The following GAREM1 variants were observed in gnomAD, a reference collection of about 807,000 sequenced individuals.
GAREM1 encodes GRB2 associated regulator of MAPK1 subtype 1.
Under a neutral mutation model 71.3 loss-of-function variants are expected in GAREM1, and 26 were observed. The ratio of observed to expected loss-of-function variants is 0.36; its 90% CI spans 0.27 to 0.51. The LOEUF (loss-of-function observed/expected upper bound fraction) is 0.51. Ranked by LOEUF, GAREM1 falls within the 20% of genes least tolerant of loss-of-function variation. The pLI is 0.95. For synonymous variants in GAREM1, 440 were observed against 433.2 expected (o/e 1.02, Z -0.20); for missense variants, 1,026 against 1,103.1 (o/e 0.93, Z 0.99).
At chr18:32,442,555 T>C (rs9807749) in intron 1 of GAREM1, among the ~76,000 whole-genome samples, 20,995 of 152,126 alleles carry the variant, frequency 0.14, 1,786 homozygotes, top group East Asian at 0.39. Flanking sequence ...TAAAAGAAGA[T>C]GACTTTATAA....
chr18:32,393,072 C>A (rs373059882), intron 1 of GAREM1, 37 bp from the exon 2 acceptor site: 1 of 1,590,692 alleles, frequency 6.3e-7, no homozygotes, highest in Non-Finnish European at 8.6e-7. Context: ...ACTTAGAATT[C>A]ATAATCTGCT....
chr18:32,396,523 A>G (rs1327193273), intron 1 of GAREM1, among the ~76,000 whole-genome samples: 2 of 152,248 alleles, frequency 1.3e-5, no homozygotes, highest in Non-Finnish European at 2.9e-5. Context: ...AAGCTTCAGT[A>G]GCCGATGCGA....
At chr18:32,445,311 A>AC (rs1176072634) in intron 1 of GAREM1, among the ~76,000 whole-genome samples, 4 of 150,930 alleles carry the variant, frequency 2.7e-5, no homozygotes, top group Non-Finnish European at 4.4e-5. Flanking sequence ...CTTTCACTAA[A>AC]CCCCCCGCCC....
intron 2 of GAREM1, among the ~76,000 whole-genome samples, chr18:32,324,561 A>G (rs1489663057): frequency 6.6e-6 from 1 of 152,244 alleles, no homozygotes; most frequent in Non-Finnish European, 1.5e-5. Context: ...TGGTTTCTTA[A>G]AAGTGGAGTA....
At chr18:32,377,602 C>T (rs980931755) in intron 2 of GAREM1, among the ~76,000 whole-genome samples, 7 of 152,286 alleles carry the variant, frequency 4.6e-5, no homozygotes, top group Admixed American at 1.3e-4. Flanking sequence ...CTCGTTCTGT[C>T]GCCCAGGCTG....
intron 1 of GAREM1, among the ~76,000 whole-genome samples, chr18:32,451,275 C>A (rs947320261): frequency 2.4e-5 from 3 of 125,120 alleles, no homozygotes; most frequent in Admixed American, 2.3e-4. Flanking sequence ...TAGCTCATTT[C>A]ATCTCAACTG....
chr18:32,431,932 T>C (rs1327901186), intron 1 of GAREM1, among the ~76,000 whole-genome samples: 1 of 152,172 alleles, frequency 6.6e-6, no homozygotes, highest in Non-Finnish European at 1.5e-5. Flanking sequence ...CTAAAAGAAC[T>C]GTCAACCCAG....
intron 2 of GAREM1, among the ~76,000 whole-genome samples, chr18:32,364,517 A>G (rs1171370027): frequency 6.6e-6 from 1 of 152,186 alleles, no homozygotes; most frequent in South Asian, 2.1e-4. Flanking sequence ...AGCAAGAACT[A>G]TATTTATTGA....
At chr18:32,270,759 A>G (rs956876641) in intron 4 of GAREM1, among the ~76,000 whole-genome samples, 3 of 152,134 alleles carry the variant, frequency 2.0e-5, no homozygotes, top group Admixed American at 6.6e-5. Flanking sequence ...GGCATTCACA[A>G]ATTTAACTTG....
At chr18:32,393,455 A>T (rs1002282236) in intron 1 of GAREM1, among the ~76,000 whole-genome samples, 6 of 152,184 alleles carry the variant, frequency 3.9e-5, no homozygotes, top group African/African-American at 1.4e-4. Flanking sequence ...GAAAAATCAA[A>T]GTTTGAAATG....
chr18:32,372,696 T>C (rs1176084825), intron 2 of GAREM1, among the ~76,000 whole-genome samples: 1 of 152,218 alleles, frequency 6.6e-6, no homozygotes, highest in Non-Finnish European at 1.5e-5. Flanking sequence ...GGTGTTGCAA[T>C]GTCAACAAAA....
In GAREM1 at chr18:32,268,039, C is replaced by T. The variant is rs544747091; in HGVS notation, c.2463G>A (p.Arg821=). 3 of 1,614,140 alleles carry T rather than the reference C, an allele frequency of 1.9e-6. No homozygotes were observed. The Admixed American group carries it at 5.0e-5, about 27-fold the overall frequency. The change falls in exon 6 of 6, where the codon CGG becomes CGA. Residue 821 remains arginine, a synonymous_variant. Transcript: ENST00000269209. The part of the protein sequence containing the change: ...LSIEEVSKSL[R]FIGLSEDVIS... ...TGACATCTTCGGACAAACCAATGAA[C>T]CGTAGTGACTTGGACACTTCCTCTA...
intron 2 of GAREM1, among the ~76,000 whole-genome samples, chr18:32,379,574 T>G: frequency 6.6e-6 from 1 of 150,496 alleles, no homozygotes; most frequent in East Asian, 2.0e-4. Context: ...CGTGGTGGTG[T>G]GCGCCTGTAG....
intron 1 of GAREM1, among the ~76,000 whole-genome samples, chr18:32,408,274 A>T (rs2048384454): frequency 6.6e-6 from 1 of 150,982 alleles, no homozygotes; most frequent in Non-Finnish European, 1.5e-5. Context: ...CACCTTTAAT[A>T]AAAAAACTCC....
At chr18:32,307,311 G>A (rs1439276726) in intron 3 of GAREM1, among the ~76,000 whole-genome samples, 5 of 151,948 alleles carry the variant, frequency 3.3e-5, no homozygotes, top group African/African-American at 7.3e-5. Flanking sequence ...TTTAATTTAC[G>A]CTGTATCTGA....
chr18:32,462,610 T>A (rs55944403), intron 1 of GAREM1, among the ~76,000 whole-genome samples: 18,870 of 152,256 alleles, frequency 0.12, 1,278 homozygotes, highest in South Asian at 0.19. Context: ...AGCTTTTTAG[T>A]ATGATGTAAT....
intron 4 of GAREM1, among the ~76,000 whole-genome samples, chr18:32,278,275 G>T (rs796446783): frequency 4.7e-4 from 72 of 152,270 alleles, no homozygotes; most frequent in African/African-American, 1.6e-3. Context: ...ACAGGGCCAT[G>T]TATTTCCTGA....
At chr18:32,359,593 T>C (rs2047842936) in intron 2 of GAREM1, among the ~76,000 whole-genome samples, 1 of 152,136 alleles carries the variant, frequency 6.6e-6, no homozygotes, top group African/African-American at 2.4e-5. Context: ...CACAAATTCT[T>C]GTTAATCCAA....
chr18:32,448,762 T>C (rs890726452), intron 1 of GAREM1, among the ~76,000 whole-genome samples: 2 of 152,252 alleles, frequency 1.3e-5, no homozygotes, highest in African/African-American at 4.8e-5. Context: ...TACTTTGCTG[T>C]TATATGTCAC....
Sources: gnomAD v4.1 joint callset for allele counts (sites outside exome capture counted in the v4.1 genomes callset) on GRCh38, gnomAD v4.1.1 for gene constraint, MANE v1.5 for transcripts, NCBI Gene and HGNC (gene_info 2026-07-23, HGNC 2026-07-21) for gene names.